Variants in RASA1 observed in about 807,000 individuals in gnomAD.
RASA1 encodes the protein ras GTPase-activating protein 1.
A neutral mutation model predicts 132.2 loss-of-function variants in RASA1; 25 were observed. That is an observed-to-expected ratio of 0.19 (90% CI 0.14 to 0.26). The LOEUF is 0.26. Among genes scored for constraint, RASA1 ranks in the 10% least tolerant of loss-of-function variants. RASA1 has a pLI of 1.00. For synonymous variants in RASA1, 477 were observed against 449.9 expected (o/e 1.06, Z -0.76); for missense variants, 964 against 1,299.2 (o/e 0.74, Z 3.97).
At chr5:87,291,852 C>T (rs1303595425) in intron 1 of RASA1, among the ~76,000 whole-genome samples, 1 of 152,186 alleles carries the variant, frequency 6.6e-6, no homozygotes, top group Non-Finnish European at 1.5e-5. Context: ...GAACCATGAG[C>T]CAGTTAAACC....
At chr5:87,269,158 C>T in intron 1 of RASA1, 168 bp downstream of exon 1, 1 of 1,612,548 alleles carries the variant, frequency 6.2e-7, no homozygotes, top group East Asian at 2.2e-5. Context: ...ATCTTCCTTA[C>T]AGGCATACTA....
At chr5:87,281,649 C>T (rs745835730) in intron 1 of RASA1, among the ~76,000 whole-genome samples, 129 of 151,958 alleles carry the variant, frequency 8.5e-4, no homozygotes, top group Admixed American at 1.2e-3. Flanking sequence ...GACACGATCT[C>T]GGCTCACTGC....
intron 1 of RASA1, among the ~76,000 whole-genome samples, chr5:87,303,894 C>G (rs548711387): frequency 6.9e-6 from 1 of 144,948 alleles, no homozygotes; most frequent in Admixed American, 7.1e-5. Flanking sequence ...AAGCTGGAGG[C>G]GCGATCTCGG....
At chr5:87,270,727 A>T (rs930265194) in intron 1 of RASA1, among the ~76,000 whole-genome samples, 33 of 136,634 alleles carry the variant, frequency 2.4e-4, no homozygotes, top group Admixed American at 2.2e-3. Flanking sequence ...GAAACTAATT[A>T]GGAAAAGATT....
chr5:87,332,559 C>T lies in RASA1; in HGVS notation c.745C>T (p.Leu249=). Residue 249 remains leucine, a synonymous_variant, in exon 3 of 25, where the codon CTG becomes TTG. Coordinates refer to ENST00000274376, the MANE Select transcript of RASA1 (RefSeq NM_002890.3). Reference sequence around the variant, plus strand: ...CATTGGTGGAAGACGTTTTTCTTCACTGTCAGACCTAATAGGTTATTACAG... The same window carrying T: ...CATTGGTGGAAGACGTTTTTCTTCATTGTCAGACCTAATAGGTTATTACAG... ...YYIGGRRFSS[L]SDLIGYYSHV... 1 of 1,607,746 alleles carries T rather than the reference C, an allele frequency of 6.2e-7. No homozygotes were observed. The highest frequency in any genetic ancestry group is 1.3e-5 in the African/African-American group (1 of 74,844).
intron 1 of RASA1, among the ~76,000 whole-genome samples, chr5:87,306,247 GAA>G (rs1755604190): frequency 6.6e-6 from 1 of 152,150 alleles, no homozygotes; most frequent in Non-Finnish European, 1.5e-5. Flanking sequence ...ACTGGATAAA[GAA>G]AATGTGGTAC....
chr5:87,388,120 A>T (rs1040448642), intron 23 of RASA1, among the ~76,000 whole-genome samples: 6 of 152,188 alleles, frequency 3.9e-5, no homozygotes, highest in Admixed American at 3.9e-4. Context: ...TATCTGTGAT[A>T]TATAATTCTG....
chr5:87,317,441 T>C (rs1224017906), intron 1 of RASA1, among the ~76,000 whole-genome samples: 2 of 152,170 alleles, frequency 1.3e-5, no homozygotes, highest in Non-Finnish European at 2.9e-5. Context: ...TTAGACTAGA[T>C]ATCTGAAAGC....
chr5:87,390,797 T>C lies in RASA1; in HGVS notation c.3061-3T>C. On this transcript the variant is annotated splice_region_variant and splice_polypyrimidine_tract_variant and intron_variant, in intron 24 of 24. Coordinates refer to ENST00000274376, the MANE Select transcript of RASA1 (RefSeq NM_002890.3). ...ATTTTCATACCATTTTTCCTCTGTC[T>C]AGCACGTATTGAAAAAGCTTCTGGC... is the stretch of plus-strand genomic sequence containing the variant. 1 of 1,609,278 alleles carries C rather than the reference T, an allele frequency of 6.2e-7. No individual in the cohort carries two copies. The highest frequency in any genetic ancestry group is 8.5e-7 in the Non-Finnish European group (1 of 1,175,676).
At chr5:87,282,531 G>C (rs763801872) in intron 1 of RASA1, among the ~76,000 whole-genome samples, 22 of 152,056 alleles carry the variant, frequency 1.4e-4, no homozygotes, top group Admixed American at 3.9e-4. Context: ...GATATGTCAG[G>C]GTTTCTGTGG....
chr5:87,279,396 C>T (rs1221395882), intron 1 of RASA1, among the ~76,000 whole-genome samples: 2 of 149,100 alleles, frequency 1.3e-5, no homozygotes, highest in Non-Finnish European at 3.0e-5. Flanking sequence ...TTTGTTTAAC[C>T]GTTCAGCCAT....
At chr5:87,376,829 G>A (rs1761359491) in intron 16 of RASA1, 52 bp from the exon 17 acceptor site, 13 of 1,512,064 alleles carry the variant, frequency 8.6e-6, no homozygotes, top group Admixed American at 1.7e-5. Context: ...GTCTCATGGA[G>A]CATGCTTATA....
chr5:87,330,830 C>T (rs989156519), intron 1 of RASA1: 9 of 575,370 alleles, frequency 1.6e-5, no homozygotes, highest in African/African-American at 7.8e-5. Flanking sequence ...TAATCAGCTT[C>T]ACGTTCAAAC....
intron 1 of RASA1, among the ~76,000 whole-genome samples, chr5:87,321,329 T>C (rs1374158578): frequency 6.6e-6 from 1 of 152,178 alleles, no homozygotes; most frequent in Non-Finnish European, 1.5e-5. Flanking sequence ...AAGCAATCAG[T>C]TCTACAGTGA....
Position 87,378,665 on chromosome 5 carries a change from CCTGT to C in RASA1, c.2487+132_2487+135del, listed in dbSNP as rs1263652127. The C allele has an allele frequency of 1.4e-5, 14 of 971,470 alleles. No homozygotes were observed. In the Admixed American group the frequency reaches 1.8e-4, roughly 13 times the overall value. The allele number at this position is 971,470 out of a possible 1,614,324, so 60.2% of individuals were successfully genotyped here. On this transcript the variant is annotated intron_variant, in intron 18 of 24. Coordinates refer to ENST00000274376, the MANE Select transcript of RASA1 (RefSeq NM_002890.3). ...AAAATTATTCCTCATAGCAGTTACACCTGTCTGTAATACATTTATAAAAATGTTC... is the reference window on the plus strand; with the variant it reads ...AAAATTATTCCTCATAGCAGTTACACCTGTAATACATTTATAAAAATGTTC...
At chr5:87,319,578 A>G (rs1756622330) in intron 1 of RASA1, among the ~76,000 whole-genome samples, 2 of 152,188 alleles carry the variant, frequency 1.3e-5, no homozygotes, top group South Asian at 2.1e-4. Context: ...AGCCACAGCC[A>G]CAGCTGGAGC....
chr5:87,312,676 A>T (rs189419308), intron 1 of RASA1, among the ~76,000 whole-genome samples: 2 of 152,294 alleles, frequency 1.3e-5, no homozygotes, highest in East Asian at 1.9e-4. Flanking sequence ...AATCTCAGGG[A>T]TATCTGGAAC....
At position 87,275,130 on chromosome 5, in the gene RASA1, T is replaced by C. The variant is rs531644880; in HGVS notation, c.539+6140T>C. The stretch of plus-strand genomic sequence containing the variant: ...TTCTGGTTGCTTTACTTCTCTCTCT[T>C]TACTGGCCATTGGTGAAATGAACAG... On this transcript the variant is annotated intron_variant, in intron 1 of 24. Coordinates refer to ENST00000274376, the MANE Select transcript of RASA1 (RefSeq NM_002890.3). Among the ~76,000 whole-genome samples, 74 of 152,306 alleles carry C rather than the reference T, an allele frequency of 4.9e-4. No homozygotes were observed. In the South Asian group the frequency reaches 0.012, roughly 25 times the overall value.
At chr5:87,281,178 C>G (rs578238610) in intron 1 of RASA1, among the ~76,000 whole-genome samples, 1 of 151,882 alleles carries the variant, frequency 6.6e-6, no homozygotes, top group Non-Finnish European at 1.5e-5. Context: ...CCACAGTGAC[C>G]ACACCATTTT....
Sources: gnomAD v4.1 joint callset for allele counts (sites outside exome capture counted in the v4.1 genomes callset) on GRCh38, gnomAD v4.1.1 for gene constraint, MANE v1.5 for transcripts, NCBI Gene and HGNC (gene_info 2026-07-23, HGNC 2026-07-21) for gene names.